FHIT: variants seen among roughly 807,000 people sequenced by gnomAD.
The protein encoded by FHIT is bis(5'-adenosyl)-triphosphatase.
Under a neutral mutation model 17.9 loss-of-function variants are expected in FHIT, and 19 were observed. The ratio of observed to expected loss-of-function variants is 1.06; its 90% confidence interval spans 0.74 to 1.56. The LOEUF is 1.56. Ranked by LOEUF, FHIT falls within the 40% of genes most tolerant of loss-of-function variation. The pLI is 0.00. For missense variants in FHIT, 248 were observed against 189.2 expected, an observed-to-expected ratio of 1.31 and a Z score of -1.82; for synonymous variants, 81 against 69.7, an observed-to-expected ratio of 1.16 and a Z score of -0.81.
At chr3:59,862,360 A>G (rs931157746) in intron 8 of FHIT, among the ~76,000 whole-genome samples, 1 of 152,202 alleles carries the variant, frequency 6.6e-6, no homozygotes, top group African/African-American at 2.4e-5. Flanking sequence ...GGTCCCTCCC[A>G]CGACACATGG....
intron 5 of FHIT, among the ~76,000 whole-genome samples, chr3:60,077,955 C>A (rs138167057): frequency 6.6e-6 from 1 of 151,900 alleles, no homozygotes; most frequent in South Asian, 2.1e-4. Context: ...CCATATCATA[C>A]TTTAAACCTC....
intron 4 of FHIT, among the ~76,000 whole-genome samples, chr3:60,761,398 T>C (rs1293598098): frequency 1.3e-5 from 2 of 152,192 alleles, no homozygotes; most frequent in Non-Finnish European, 2.9e-5. Flanking sequence ...TTGCTCTTCA[T>C]GAGCAAAATT....
chr3:61,250,725 A>C (rs555708019), intron 1 of FHIT, among the ~76,000 whole-genome samples: 1 of 152,134 alleles, frequency 6.6e-6, no homozygotes, highest in African/African-American at 2.4e-5. Context: ...CAACCATAAA[A>C]TAAGTGTAAG....
chr3:60,541,523 C>T (rs915994938), intron 4 of FHIT, among the ~76,000 whole-genome samples: 1 of 152,166 alleles, frequency 6.6e-6, no homozygotes, highest in African/African-American at 2.4e-5. Flanking sequence ...TAGGGATGGG[C>T]AAGTGACCCA....
chr3:59,950,561 G>GTTTTC (rs71709785), intron 7 of FHIT, among the ~76,000 whole-genome samples: 28,874 of 150,272 alleles, frequency 0.19, 2,999 homozygotes, highest in African/African-American at 0.26. Context: ...TTGTTTACTT[G>GTTTTC]TTTTCTTTTC....
intron 5 of FHIT, among the ~76,000 whole-genome samples, chr3:60,138,266 C>A (rs994947333): frequency 1.3e-5 from 2 of 152,076 alleles, no homozygotes; most frequent in African/African-American, 4.8e-5. Context: ...AGCATCTGTA[C>A]ACAACATGTG....
intron 5 of FHIT, among the ~76,000 whole-genome samples, chr3:60,082,910 T>C (rs1433167151): frequency 1.3e-5 from 2 of 152,152 alleles, no homozygotes; most frequent in Admixed American, 1.3e-4. Flanking sequence ...TTTTCTCCCA[T>C]CCTGTAGGTT....
At chr3:60,914,922 C>T (rs782179914) in intron 3 of FHIT, among the ~76,000 whole-genome samples, 4 of 152,138 alleles carry the variant, frequency 2.6e-5, no homozygotes, top group Admixed American at 2.6e-4. Context: ...GTAAATTTCA[C>T]TCTCCCTTAG....
chr3:60,736,834 G>A (rs2042142626), intron 4 of FHIT, among the ~76,000 whole-genome samples: 1 of 152,110 alleles, frequency 6.6e-6, no homozygotes, highest in Admixed American at 6.5e-5. Context: ...AAAAAAAATG[G>A]TAGCCTATTC....
chr3:60,782,129 C>T (rs1700411516), intron 4 of FHIT, among the ~76,000 whole-genome samples: 1 of 152,006 alleles, frequency 6.6e-6, no homozygotes, highest in Non-Finnish European at 1.5e-5. Context: ...TCTTTGCTAG[C>T]TTAGCTGACT....
At chr3:61,027,645 C>T (rs1326041384) in intron 3 of FHIT, among the ~76,000 whole-genome samples, 2 of 151,856 alleles carry the variant, frequency 1.3e-5, no homozygotes, top group Non-Finnish European at 2.9e-5. Flanking sequence ...TTCTGAATAA[C>T]ACACACACAC....
At chr3:59,921,719 A>C (rs1705413799) in intron 8 of FHIT, among the ~76,000 whole-genome samples, 1 of 152,242 alleles carries the variant, frequency 6.6e-6, no homozygotes, top group Non-Finnish European at 1.5e-5. Flanking sequence ...TGGGCATCTG[A>C]AAGTTCTCAT....
At chr3:61,099,994 G>T (rs561374879) in intron 2 of FHIT, among the ~76,000 whole-genome samples, 3 of 151,918 alleles carry the variant, frequency 2.0e-5, no homozygotes, top group Non-Finnish European at 2.9e-5. Context: ...TGGTTTAGTG[G>T]GTGTGAAGTG....
At chr3:60,501,031 T>G (rs577777956) in intron 5 of FHIT, among the ~76,000 whole-genome samples, 1 of 151,846 alleles carries the variant, frequency 6.6e-6, no homozygotes, top group Non-Finnish European at 1.5e-5. Flanking sequence ...CCCAACCTAA[T>G]AGCAAGTAAC....
rs576535589 is a variant in FHIT at position 61,215,000 on chromosome 3, A to T, written c.-212-14335T>A. On this transcript the variant is annotated intron_variant, in intron 1 of 9. Transcript: ENST00000492590. ...TCTCAATGAATTAGGTATTGATGGGACATATCTCAAAATAATAAGAGCTAT... is the reference window on the plus strand; with the variant it reads ...TCTCAATGAATTAGGTATTGATGGGTCATATCTCAAAATAATAAGAGCTAT... Among the ~76,000 whole-genome samples, 17 of 151,540 alleles carry T rather than the reference A, an allele frequency of 1.1e-4. No individual in the cohort carries two copies. The South Asian group carries it at 2.6e-3, about 23-fold the overall frequency.
intron 8 of FHIT, among the ~76,000 whole-genome samples, chr3:59,874,380 C>G (rs1703058161): frequency 6.6e-6 from 1 of 152,198 alleles, no homozygotes; most frequent in African/African-American, 2.4e-5. Flanking sequence ...TGGTAGTTCT[C>G]AAGCTTTACT....
chr3:60,874,180 G>T (rs782389426), intron 3 of FHIT, among the ~76,000 whole-genome samples: 1 of 152,068 alleles, frequency 6.6e-6, no homozygotes, highest in Non-Finnish European at 1.5e-5. Context: ...ACATTGTAGG[G>T]CTGTCGTTAG....
intron 4 of FHIT, among the ~76,000 whole-genome samples, chr3:60,767,354 T>C (rs563461234): frequency 4.6e-5 from 7 of 152,300 alleles, no homozygotes; most frequent in African/African-American, 1.4e-4. Flanking sequence ...CAAGCCTATA[T>C]TGTGGGTCTT....
At chr3:60,967,249 C>G (rs190436974) in intron 3 of FHIT, among the ~76,000 whole-genome samples, 3 of 152,130 alleles carry the variant, frequency 2.0e-5, no homozygotes, top group Admixed American at 1.3e-4. Flanking sequence ...TATGTATGAA[C>G]GTTGCTCTGG....
Sources: gnomAD v4.1 joint callset for allele counts (sites outside exome capture counted in the v4.1 genomes callset) on GRCh38, gnomAD v4.1.1 for gene constraint, MANE v1.5 for transcripts, NCBI Gene and HGNC (gene_info 2026-07-23, HGNC 2026-07-21) for gene names.